CSMD2: variants seen among roughly 807,000 people sequenced by gnomAD.
CSMD2 encodes CUB and sushi domain-containing protein 2.
Under a neutral mutation model 398.5 loss-of-function variants are expected in CSMD2, and 130 were observed. That is an observed-to-expected ratio of 0.33 (90% CI 0.28 to 0.38). The LOEUF (loss-of-function observed/expected upper bound fraction) is 0.38, where lower values mean the gene tolerates loss of function less well. Among genes scored for constraint, CSMD2 ranks in the 10% least tolerant of loss-of-function variants. CSMD2 has a pLI of 1.00. For synonymous variants in CSMD2, 1,828 were observed against 1,908.5 expected (o/e 0.96, Z 1.10); for missense variants, 3,829 against 4,764.9 (o/e 0.80, Z 5.78).
chr1:33,778,260 A>G (rs989869076), intron 12 of CSMD2, among the ~76,000 whole-genome samples: 1 of 152,096 alleles, frequency 6.6e-6, no homozygotes, highest in Non-Finnish European at 1.5e-5. Context: ...CAGTGGTGCT[A>G]TCACAGCTTA....
intron 7 of CSMD2, among the ~76,000 whole-genome samples, chr1:33,824,624 G>A (rs1207583008): frequency 1.3e-5 from 2 of 151,950 alleles, no homozygotes; most frequent in Admixed American, 1.3e-4. Context: ...TCCTCAATAA[G>A]TACTTCTAGC....
At chr1:33,578,858 T>C (rs1190577927) in intron 48 of CSMD2, among the ~76,000 whole-genome samples, 1 of 152,110 alleles carries the variant, frequency 6.6e-6, no homozygotes, top group Non-Finnish European at 1.5e-5. Flanking sequence ...GCCGGTGAAA[T>C]GGTTGTTTTA....
chr1:34,105,557 T>C (rs1338867519), intron 1 of CSMD2, among the ~76,000 whole-genome samples: 1 of 152,212 alleles, frequency 6.6e-6, no homozygotes, highest in African/African-American at 2.4e-5. Flanking sequence ...TGACCTGAAG[T>C]CCTCCATCTT....
At chr1:33,777,050 C>A (rs1652082513) in intron 12 of CSMD2, among the ~76,000 whole-genome samples, 1 of 151,974 alleles carries the variant, frequency 6.6e-6, no homozygotes, top group Admixed American at 6.6e-5. Context: ...TAGAAAGTGT[C>A]AGAGCTGAAG....
At chr1:34,060,169 C>T (rs1654309256) in intron 2 of CSMD2, among the ~76,000 whole-genome samples, 1 of 152,060 alleles carries the variant, frequency 6.6e-6, no homozygotes, top group African/African-American at 2.4e-5. Context: ...AAGAACAGTC[C>T]CCTGGGTCAG....
At chr1:33,623,252 A>T in intron 36 of CSMD2, 118 bp downstream of exon 36, 1 of 740,042 alleles carries the variant, frequency 1.4e-6, no homozygotes, top group South Asian at 1.8e-5. Flanking sequence ...CCACTTGAAA[A>T]TGGTGAATTT....
At chr1:33,889,751 T>C (rs1204534354) in intron 5 of CSMD2, among the ~76,000 whole-genome samples, 1 of 93,002 alleles carries the variant, frequency 1.1e-5, no homozygotes, top group African/African-American at 4.7e-5. Flanking sequence ...TCACCTCCTA[T>C]CCTGTGTGTG....
At chr1:33,863,975 GTTGGCTGGGA>G (rs1639753632) in intron 5 of CSMD2, 1 of 546,778 alleles carries the variant, frequency 1.8e-6, no homozygotes, top group African/African-American at 1.9e-5. Flanking sequence ...GCCCACAGGT[GTTGGCTGGGA>G]TTGGCTGGCT....
chr1:34,163,147 A>C lies in CSMD2; in HGVS notation c.187+1764T>G, dbSNP rs144037951. Among the ~76,000 whole-genome samples, 4 of 152,384 alleles carry C rather than the reference A, an allele frequency of 2.6e-5. No homozygotes were observed. Among genetic ancestry groups the C allele is most frequent in the Non-Finnish European group, 5.9e-5 (4 of 68,040 alleles). On this transcript the variant is annotated intron_variant, in intron 1 of 70. Coordinates refer to ENST00000373381, the MANE Select transcript of CSMD2 (RefSeq NM_001281956.2). The surrounding 1 kb of genome is among the most constrained non-coding windows in gnomAD (Gnocchi z 5.4). ...CTAGCCAGAAAAACAATTCAGTCCG[A>C]TGCCGAGACATTCTCCAATCAGCTA... is the stretch of plus-strand genomic sequence containing the variant.
At chr1:33,584,308 CTG>C (rs1369747881) in intron 46 of CSMD2, among the ~76,000 whole-genome samples, 14 of 152,220 alleles carry the variant, frequency 9.2e-5, no homozygotes, top group African/African-American at 3.4e-4. Flanking sequence ...TATCTCCTCT[CTG>C]TGTGATGGCT....
intron 6 of CSMD2, among the ~76,000 whole-genome samples, chr1:33,831,359 AC>A (rs1659535021): frequency 6.6e-6 from 1 of 152,236 alleles, no homozygotes; most frequent in South Asian, 2.1e-4. Context: ...CCAATATTCA[AC>A]ATTCTTAAAG....
intron 26 of CSMD2, among the ~76,000 whole-genome samples, chr1:33,658,381 C>T (rs1644019950): frequency 1.3e-5 from 2 of 152,198 alleles, no homozygotes; most frequent in African/African-American, 4.8e-5. Flanking sequence ...ACCATTCTTC[C>T]AGTACCTTCA....
intron 3 of CSMD2, among the ~76,000 whole-genome samples, chr1:33,988,912 T>C (rs907017314): frequency 6.6e-6 from 1 of 150,826 alleles, no homozygotes; most frequent in Non-Finnish European, 1.5e-5. Context: ...AAAGGAATCA[T>C]ACAACTGAGT....
intron 7 of CSMD2, among the ~76,000 whole-genome samples, chr1:33,824,278 G>A (rs1250709855): frequency 6.6e-6 from 1 of 152,180 alleles, no homozygotes; most frequent in African/African-American, 2.4e-5. Flanking sequence ...CAGGGCCATG[G>A]CTTGAGCCCT....
At position 33,820,629 on chromosome 1, in the gene CSMD2, T is replaced by C. The variant is rs1267146723; in HGVS notation, c.1112-73A>G. On this transcript the variant is annotated intron_variant, in intron 7 of 70. Coordinates refer to ENST00000373381, the MANE Select transcript of CSMD2 (RefSeq NM_001281956.2). The stretch of plus-strand genomic sequence containing the variant: ...TGGACAGTCACAGGGAGGCACCAGC[T>C]GGGGCAATGTCTCAGGGTGGGAGGT... 1.3e-5 allele frequency: 13 copies of C among 1,004,012 alleles called. No homozygotes were observed. The South Asian group carries it at 1.7e-4, about 13-fold the overall frequency. 62.2% of individuals were successfully genotyped at this position (1,004,012 alleles called of 1,614,324 possible).
At chr1:33,826,777 G>A (rs1047155062) in intron 6 of CSMD2, among the ~76,000 whole-genome samples, 7 of 152,190 alleles carry the variant, frequency 4.6e-5, no homozygotes, top group African/African-American at 1.7e-4. Context: ...GCATTCTCTT[G>A]GCCTCTAACA....
At chr1:34,010,925 A>G (rs1471601532) in intron 3 of CSMD2, among the ~76,000 whole-genome samples, 1 of 152,126 alleles carries the variant, frequency 6.6e-6, no homozygotes, top group African/African-American at 2.4e-5. Context: ...GCGCCTGGCC[A>G]GTGATTTGTT....
chr1:33,950,766 C>T (rs992947362), intron 3 of CSMD2, among the ~76,000 whole-genome samples: 1 of 152,296 alleles, frequency 6.6e-6, no homozygotes, highest in Non-Finnish European at 1.5e-5. Context: ...CTAGACCTGG[C>T]CTGCAACTGT....
chr1:33,930,449 G>A (rs1018544182), intron 4 of CSMD2, among the ~76,000 whole-genome samples: 4 of 152,190 alleles, frequency 2.6e-5, no homozygotes, highest in African/African-American at 7.2e-5. Context: ...ACAGCTCAGC[G>A]CTTGCAGTCC....
Sources: allele counts gnomAD v4.1 joint callset (sites outside exome capture counted in the v4.1 genomes callset), GRCh38; gene constraint gnomAD v4.1.1; non-coding constraint Gnocchi (gnomAD v3.1); transcripts MANE v1.5; gene names NCBI Gene and HGNC (gene_info 2026-07-23, HGNC 2026-07-21).